The following SH3BP2 variants were observed in gnomAD, a reference collection of about 807,000 sequenced individuals.
SH3BP2 encodes SH3 domain-binding protein 2.
A neutral mutation model predicts 56.2 loss-of-function variants in SH3BP2; 38 were observed. The observed-to-expected ratio is 0.68, with a 90% CI of 0.52 to 0.89. The LOEUF (loss-of-function observed/expected upper bound fraction) is 0.89, where lower values mean the gene tolerates loss of function less well. Ranked by LOEUF, SH3BP2 falls within the 40% of genes least tolerant of loss-of-function variation. The pLI, the probability that SH3BP2 is intolerant of heterozygous loss-of-function variation, is 0.00. For missense variants in SH3BP2, 748 were observed against 762.6 expected (o/e 0.98, Z 0.23); for synonymous variants, 346 against 316.7 (o/e 1.09, Z -0.98).
chr4:2,813,205 G>A (rs1363183884), intron 1 of SH3BP2, among the ~76,000 whole-genome samples: 1 of 152,246 alleles, frequency 6.6e-6, no homozygotes, highest in Non-Finnish European at 1.5e-5. Flanking sequence ...GCTCCAAGGT[G>A]GAAGCCGCCC....
chr4:2,797,554 T>G (rs1723104681), intron 1 of SH3BP2, among the ~76,000 whole-genome samples: 1 of 152,170 alleles, frequency 6.6e-6, no homozygotes, highest in Non-Finnish European at 1.5e-5. Flanking sequence ...TTAGAAGCAA[T>G]TTCAGCTGAA....
rs1236055867 is a variant in SH3BP2 at position 2,829,150 on chromosome 4, C to T, written c.587-343C>T. Among the ~76,000 whole-genome samples, 1 of 152,178 alleles carries T rather than the reference C, an allele frequency of 6.6e-6. No homozygotes were observed. On this transcript the variant is annotated intron_variant, in intron 7 of 12. Transcript: ENST00000503393. The surrounding 1 kb of genome is among the most constrained non-coding windows in gnomAD (Gnocchi z 4.9). ...CCCTGTCCTTGGGAATTCCGTCCTC[C>T]CTCTCGCTCCAGCCGAGCCCTGAGA...
At chr4:2,813,778 AGT>A (rs1419254865) in intron 1 of SH3BP2, among the ~76,000 whole-genome samples, 4 of 152,148 alleles carry the variant, frequency 2.6e-5, no homozygotes, top group African/African-American at 9.7e-5. Context: ...TGAGTGCATG[AGT>A]GTGTATGAGA....
chr4:2,828,021 T>C (rs1577365126), intron 7 of SH3BP2, among the ~76,000 whole-genome samples: 1 of 152,228 alleles, frequency 6.6e-6, no homozygotes, highest in Non-Finnish European at 1.5e-5. Flanking sequence ...CCAGCTTGTG[T>C]GGACACTGCT....
At chr4:2,806,274 C>G (rs1013584474) in intron 1 of SH3BP2, among the ~76,000 whole-genome samples, 2 of 152,146 alleles carry the variant, frequency 1.3e-5, no homozygotes, top group African/African-American at 4.8e-5. Flanking sequence ...CATAGGGTGC[C>G]CAGGCTGGCT....
Position 2,833,898 on chromosome 4 carries a change from C to A in SH3BP2, c.*64C>A. ...GGGCCCTGACCCCAGGCCACACAGACGGACATGGGCCCACATGGGAGGGTG... is the reference window on the plus strand; with the variant it reads ...GGGCCCTGACCCCAGGCCACACAGAAGGACATGGGCCCACATGGGAGGGTG... On this transcript the variant is annotated 3_prime_UTR_variant, in exon 13 of 13. Coordinates refer to ENST00000503393, the MANE Select transcript of SH3BP2 (RefSeq NM_001122681.2). 1 of 1,498,754 alleles carries A rather than the reference C, an allele frequency of 6.7e-7. No homozygotes were observed. The highest frequency in any genetic ancestry group is 8.9e-7 in the Non-Finnish European group (1 of 1,120,370). 92.8% of individuals were successfully genotyped at this position (1,498,754 alleles called of 1,614,324 possible).
At chr4:2,799,412 T>C (rs1005860990) in intron 1 of SH3BP2, 2 of 473,814 alleles carry the variant, frequency 4.2e-6, no homozygotes, top group African/African-American at 4.2e-5. Context: ...GGTTTGCTAC[T>C]TGGGGCAGGG....
chr4:2,824,386 C>T (rs369950556), intron 3 of SH3BP2, among the ~76,000 whole-genome samples: 480 of 152,244 alleles, frequency 3.2e-3, no homozygotes, highest in African/African-American at 0.01. Context: ...CACTGCTGCT[C>T]CCACGAAGCC....
chr4:2,798,238 T>C (rs1723124231), intron 1 of SH3BP2, among the ~76,000 whole-genome samples: 1 of 152,176 alleles, frequency 6.6e-6, no homozygotes, highest in East Asian at 1.9e-4. Flanking sequence ...TGAACGAAAG[T>C]GCTTTCTTTC....
chr4:2,831,810 G>A lies in SH3BP2; in HGVS notation c.1351-113G>A. 2 of 1,384,258 alleles carry A rather than the reference G, an allele frequency of 1.4e-6. No homozygotes were observed. The highest frequency in any genetic ancestry group is 1.9e-5 in the Admixed American group (1 of 52,602). The allele number at this position is 1,384,258 out of a possible 1,614,324, so 85.7% of individuals were successfully genotyped here. On this transcript the variant is annotated intron_variant, in intron 9 of 12. Coordinates refer to ENST00000503393, the MANE Select transcript of SH3BP2 (RefSeq NM_001122681.2). The surrounding 1 kb of genome is among the most constrained non-coding windows in gnomAD (Gnocchi z 4.1). ...CCCCGAGAACCCGGGAGCCTAGGGG[G>A]ACACAGCACCATGTAAAGCCCCGGA...
At chr4:2,827,829 G>C (rs1724758176) in intron 7 of SH3BP2, among the ~76,000 whole-genome samples, 155 bp downstream of exon 7, 1 of 152,174 alleles carries the variant, frequency 6.6e-6, no homozygotes, top group African/African-American at 2.4e-5. Context: ...ATGAGGATTG[G>C]AGCAGAAGAG....
At chr4:2,818,216 C>CGGCGGGCAT (rs1247333462) in intron 1 of SH3BP2, 1 of 987,334 alleles carries the variant, frequency 1.0e-6, no homozygotes, top group Admixed American at 6.2e-5. Flanking sequence ...AGGCCAGGGC[C>CGGCGGGCAT]GGCGGGCATG....
chr4:2,806,305 C>G (rs1053766112), intron 1 of SH3BP2, among the ~76,000 whole-genome samples: 1 of 152,238 alleles, frequency 6.6e-6, no homozygotes, highest in South Asian at 2.1e-4. Context: ...ACAGTGAAAC[C>G]CTTCAGGCCA....
chr4:2,831,531 A>G lies in SH3BP2; in HGVS notation c.1242-40A>G. The G allele has an allele frequency of 6.7e-7, 1 of 1,485,966 alleles. No individual in the cohort carries two copies. Among genetic ancestry groups the G allele is most frequent in the East Asian group, 2.5e-5 (1 of 40,714 alleles). The allele number at this position is 1,485,966 out of a possible 1,614,324, so 92.0% of individuals were successfully genotyped here. ...GCAGAGGGTGGCCGCCCCGTGTCTG[A>G]CAGTGAAATGGTCCTGCCTTCCTCT... is the stretch of plus-strand genomic sequence containing the variant. On this transcript the variant is annotated intron_variant, in intron 8 of 12. Transcript: ENST00000503393. The surrounding 1 kb of genome is among the most constrained non-coding windows in gnomAD (Gnocchi z 4.1).
At chr4:2,806,393 C>T (rs1295767601) in intron 1 of SH3BP2, among the ~76,000 whole-genome samples, 1 of 152,172 alleles carries the variant, frequency 6.6e-6, no homozygotes, top group Non-Finnish European at 1.5e-5. Context: ...GTGGACCCGG[C>T]CCACCCCACA....
At chr4:2,812,557 G>C (rs1287337306) in intron 1 of SH3BP2, 1 of 1,486,222 alleles carries the variant, frequency 6.7e-7, no homozygotes, top group African/African-American at 1.4e-5. Context: ...GGGGCCCCAC[G>C]TGGGAGCCAC....
At chr4:2,796,431 C>G (rs762668410) in intron 1 of SH3BP2, 3 of 985,400 alleles carry the variant, frequency 3.0e-6, no homozygotes, top group Admixed American at 1.2e-4. Context: ...TCCCGGCCCC[C>G]GATCACAGAT....
chr4:2,807,948 A>G (rs1723598372), intron 1 of SH3BP2, among the ~76,000 whole-genome samples: 1 of 152,100 alleles, frequency 6.6e-6, no homozygotes, highest in Non-Finnish European at 1.5e-5. Context: ...AGCCTTGTGG[A>G]GCCTGTCTCT....
chr4:2,801,131 A>G (rs920618589), intron 1 of SH3BP2, among the ~76,000 whole-genome samples: 7 of 152,162 alleles, frequency 4.6e-5, no homozygotes, highest in African/African-American at 1.7e-4. Flanking sequence ...CGGGGCCCAG[A>G]CTGCAGGGGT....
Sources: gnomAD v4.1 joint callset for allele counts (sites outside exome capture counted in the v4.1 genomes callset) on GRCh38, gnomAD v4.1.1 for gene constraint, Gnocchi (gnomAD v3.1) non-coding constraint, MANE v1.5 for transcripts, NCBI Gene and HGNC (gene_info 2026-07-23, HGNC 2026-07-21) for gene names.